POU2F3: variants seen among roughly 807,000 people sequenced by gnomAD.
The protein encoded by POU2F3 is POU class 2 homeobox 3, also known as POU domain, class 2, transcription factor 3.
In POU2F3, 23 loss-of-function variants were observed where a neutral mutation model predicts 59.2. The observed-to-expected ratio is 0.39, with a 90% CI of 0.28 to 0.55. The LOEUF (loss-of-function observed/expected upper bound fraction) is 0.55, where lower values mean the gene tolerates loss of function less well. POU2F3 is among the 20% of genes least tolerant of loss of function. POU2F3 has a pLI of 0.66. For missense variants in POU2F3, 473 were observed against 544.5 expected (o/e 0.87, Z 1.31); for synonymous variants, 190 against 214.6 (o/e 0.89, Z 1.00).
intron 3 of POU2F3, among the ~76,000 whole-genome samples, chr11:120,281,604 T>C (rs1222185918): frequency 6.6e-6 from 1 of 152,024 alleles, no homozygotes; most frequent in African/African-American, 2.4e-5. Context: ...TGAAGATAAC[T>C]TAGTTCACAT....
chr11:120,260,989 C>T (rs986437729), intron 2 of POU2F3, among the ~76,000 whole-genome samples: 21 of 151,950 alleles, frequency 1.4e-4, no homozygotes, highest in African/African-American at 3.6e-4. Context: ...TTGCTTGAGC[C>T]GGGGAGGTCA....
At chr11:120,318,307 G>C (rs747721645) in intron 12 of POU2F3, 46 bp from the exon 13 acceptor site, 3 of 1,544,624 alleles carry the variant, frequency 1.9e-6, no homozygotes. Context: ...CCCATCTTAC[G>C]CCATCACATT....
At chr11:120,315,559 A>G in intron 11 of POU2F3, 132 bp downstream of exon 11, 1 of 833,948 alleles carries the variant, frequency 1.2e-6, no homozygotes, top group Admixed American at 2.7e-5. Context: ...CTGTGTTGGG[A>G]AAAAAGGGTT....
chr11:120,283,540 C>T (rs796825137), intron 3 of POU2F3, among the ~76,000 whole-genome samples: 4 of 152,026 alleles, frequency 2.6e-5, no homozygotes, highest in African/African-American at 4.8e-5. Context: ...TGGGAAGCAA[C>T]GAGAATCCTG....
At chr11:120,282,757 T>A (rs900429652) in intron 3 of POU2F3, among the ~76,000 whole-genome samples, 3 of 152,258 alleles carry the variant, frequency 2.0e-5, no homozygotes, top group African/African-American at 7.2e-5. Context: ...CTATAGGCTT[T>A]GCTTAAAGCA....
At position 120,298,118 on chromosome 11, in the gene POU2F3, A is replaced by T. The variant is rs533578052; in HGVS notation, c.133-147A>T. On this transcript the variant is annotated intron_variant, in intron 3 of 12. Coordinates refer to ENST00000543440, the MANE Select transcript of POU2F3 (RefSeq NM_014352.4). ...CTGGAAGGGCACACACAGGCAGGAA[A>T]AGTAAGCTGCAGCCCAGTAGGCCCT... The T allele has an allele frequency of 9.5e-6, 10 of 1,048,142 alleles. No homozygotes were observed. The South Asian group carries it at 1.7e-4, about 18-fold the overall frequency. The allele number at this position is 1,048,142 out of a possible 1,614,324, so 64.9% of individuals were successfully genotyped here.
chr11:120,265,845 A>G (rs759481003), intron 2 of POU2F3: 1 of 151,356 alleles, frequency 6.6e-6, no homozygotes, highest in Non-Finnish European at 1.5e-5. Context: ...CTCCTCTTAC[A>G]CTCCAGGGCA....
At chr11:120,302,442 C>G in intron 6 of POU2F3, 74 bp downstream of exon 6, 2 of 1,429,112 alleles carry the variant, frequency 1.4e-6, no homozygotes, top group South Asian at 2.4e-5. Context: ...CTGGTTTCCC[C>G]CTACCCCTTT....
chr11:120,291,678 T>C (rs542149575), intron 3 of POU2F3, among the ~76,000 whole-genome samples: 3 of 152,380 alleles, frequency 2.0e-5, no homozygotes, highest in South Asian at 2.1e-4. Context: ...TGTGGCTTTA[T>C]GCAAATTTCT....
intron 2 of POU2F3, among the ~76,000 whole-genome samples, chr11:120,248,504 C>T (rs1041390693): frequency 6.6e-6 from 1 of 152,182 alleles, no homozygotes; most frequent in Non-Finnish European, 1.5e-5. Context: ...AGATGGGCAT[C>T]GCTGCTGAGT....
At chr11:120,312,407 G>A (rs1428856718) in intron 10 of POU2F3, among the ~76,000 whole-genome samples, 1 of 152,144 alleles carries the variant, frequency 6.6e-6, no homozygotes, top group Non-Finnish European at 1.5e-5. Context: ...ACAGGCATGA[G>A]CCACCGCACC....
chr11:120,310,287 A>G (rs1001269265), intron 10 of POU2F3, among the ~76,000 whole-genome samples: 6 of 152,222 alleles, frequency 3.9e-5, no homozygotes, highest in Admixed American at 3.9e-4. Context: ...ATGGAATACA[A>G]GAAAGGAAGC....
At chr11:120,307,298 C>T (rs1421554764) in intron 8 of POU2F3, among the ~76,000 whole-genome samples, 181 bp from the exon 9 acceptor site, 1 of 152,162 alleles carries the variant, frequency 6.6e-6, no homozygotes, top group African/African-American at 2.4e-5. Flanking sequence ...GGCCTTTGCC[C>T]TGAGCAATGA....
intron 3 of POU2F3, among the ~76,000 whole-genome samples, chr11:120,289,003 C>T (rs1448348214): frequency 1.3e-5 from 2 of 152,136 alleles, no homozygotes; most frequent in South Asian, 2.1e-4. Context: ...AGACACGTGA[C>T]GTTTTGAATG....
chr11:120,301,736 C>T (rs1427384750), intron 5 of POU2F3: 1 of 153,544 alleles, frequency 6.5e-6, no homozygotes, highest in Non-Finnish European at 1.4e-5. Flanking sequence ...TCTCAGCCCT[C>T]TCTCCCAAGT....
Position 120,299,661 on chromosome 11 carries a change from T to C in POU2F3, c.296T>C (p.Leu99Pro), listed in dbSNP as rs1941289483. The part of the protein sequence containing the change: ...ASLHPLQQLV[L>P]VPGHLQSVSQ... ...CTCCATCCGCTCCAGCAGCTTGTGC[T>C]GGTTCCCGGCCACTTACAGTCTGTA... Residue 99 changes from leucine to proline, a missense_variant, in exon 5 of 13, where the codon CTG becomes CCG. Leu to Pro is a moderately conservative substitution (Grantham distance 98). Coordinates refer to ENST00000543440, the MANE Select transcript of POU2F3 (RefSeq NM_014352.4). 1 of 1,613,962 alleles carries C rather than the reference T, an allele frequency of 6.2e-7. No homozygotes were observed. Among genetic ancestry groups the C allele is most frequent in the Non-Finnish European group, 8.5e-7 (1 of 1,179,984 alleles).
chr11:120,303,146 A>C (rs1206948905), intron 6 of POU2F3: 1 of 152,214 alleles, frequency 6.6e-6, no homozygotes, highest in Non-Finnish European at 1.5e-5. Context: ...ATGGCTCACC[A>C]AGAGCCCGGC....
intron 10 of POU2F3, among the ~76,000 whole-genome samples, chr11:120,313,683 C>G (rs991030376): frequency 2.6e-5 from 4 of 152,176 alleles, no homozygotes; most frequent in African/African-American, 9.7e-5. Flanking sequence ...AGGAAACAAG[C>G]TGGCCGCACT....
chr11:120,275,125 T>G (rs1940266681), intron 3 of POU2F3, among the ~76,000 whole-genome samples: 1 of 152,126 alleles, frequency 6.6e-6, no homozygotes, highest in African/African-American at 2.4e-5. Flanking sequence ...TAGAATTCCC[T>G]TTCGAGGAAT....
Sources: gnomAD v4.1 joint callset for allele counts (sites outside exome capture counted in the v4.1 genomes callset) on GRCh38, gnomAD v4.1.1 for gene constraint, MANE v1.5 for transcripts, NCBI Gene and HGNC (gene_info 2026-07-23, HGNC 2026-07-21) for gene names.